Variants in NRM observed in about 807,000 individuals in gnomAD.
NRM encodes the protein nurim.
A neutral mutation model predicts 23.4 loss-of-function variants in NRM; 19 were observed. That is an observed-to-expected ratio of 0.81 (90% confidence interval 0.57 to 1.19). The LOEUF is 1.19. Among genes scored for constraint, NRM ranks in the 50% most tolerant of loss-of-function variants. NRM has a pLI of 0.00. For missense variants in NRM, 232 were observed against 329.7 expected (o/e 0.70, Z 2.30); for synonymous variants, 140 against 143.5 (o/e 0.98, Z 0.17).
In NRM at chr6:30,688,641, T is replaced by G; in HGVS notation, c.*20A>C. ...TTCAGTGGGAGAGGAAGAACAGGGCTTGTAACCAGAGTGAGCTCCTCACTC... is the reference window on the plus strand; with the variant it reads ...TTCAGTGGGAGAGGAAGAACAGGGCGTGTAACCAGAGTGAGCTCCTCACTC... On this transcript the variant is annotated 3_prime_UTR_variant, in exon 4 of 4. Coordinates refer to ENST00000376421, the MANE Select transcript of NRM (RefSeq NM_001384369.1). The surrounding 1 kb of genome is among the most constrained non-coding windows in gnomAD (Gnocchi z 5.9). The G allele has an allele frequency of 6.2e-7, 1 of 1,609,474 alleles. No individual in the cohort carries two copies. Among genetic ancestry groups the G allele is most frequent in the East Asian group, 2.2e-5 (1 of 44,812 alleles).
At position 30,688,219 on chromosome 6, in the gene NRM, G is replaced by T; in HGVS notation, c.*442C>A. 1 of 186,074 alleles carries T rather than the reference G, an allele frequency of 5.4e-6. No individual in the cohort carries two copies. The highest frequency in any genetic ancestry group is 5.4e-5 in the Admixed American group (1 of 18,452). The allele number at this position is 186,074 out of a possible 1,614,324, so 11.5% of individuals were successfully genotyped here. A position where few individuals can be genotyped will look rare whatever the true frequency, so the allele number is the denominator to read the frequency against. The stretch of plus-strand genomic sequence containing the variant: ...ACTAGGGCCGGGAGTGGTGAGGCAA[G>T]GTTGGGGCCTGGAGGGACAGCTATG... On this transcript the variant is annotated 3_prime_UTR_variant, in exon 4 of 4. Coordinates refer to ENST00000376421, the MANE Select transcript of NRM (RefSeq NM_001384369.1). The surrounding 1 kb of genome is among the most constrained non-coding windows in gnomAD (Gnocchi z 5.9).
Position 30,689,146 on chromosome 6 carries a change from G to T in NRM, c.507+130C>A. On this transcript the variant is annotated intron_variant, in intron 3 of 3. Coordinates refer to ENST00000376421, the MANE Select transcript of NRM (RefSeq NM_001384369.1). This position sits in a 1 kb window ranked among gnomAD's most constrained non-coding sequence, Gnocchi z 4.7. Reference sequence around the variant, plus strand: ...ATGCTTGCTGCCCTTACGAGGGAAAGTCAAAGGGAAGGGCCACGAGGGAGA... The same window carrying T: ...ATGCTTGCTGCCCTTACGAGGGAAATTCAAAGGGAAGGGCCACGAGGGAGA... The T allele has an allele frequency of 8.8e-7, 1 of 1,135,272 alleles. No individual in the cohort carries two copies. Among genetic ancestry groups the T allele is most frequent in the Non-Finnish European group, 1.2e-6 (1 of 815,824 alleles). 70.3% of individuals were successfully genotyped at this position (1,135,272 alleles called of 1,614,324 possible).
In NRM at chr6:30,690,343, C is replaced by T. The variant is rs1050709504; in HGVS notation, c.134-100G>A. The stretch of plus-strand genomic sequence containing the variant: ...TTGGATCCCCAGGCCATGTCCCTTA[C>T]TGCTTTCAAGAGCCTTAATGCTTCC... On this transcript the variant is annotated intron_variant, in intron 1 of 3. Transcript: ENST00000376421. The surrounding 1 kb of genome is among the most constrained non-coding windows in gnomAD (Gnocchi z 5.5). 2 of 1,175,352 alleles carry T rather than the reference C, an allele frequency of 1.7e-6. No homozygotes were observed. Among genetic ancestry groups the T allele is most frequent in the Non-Finnish European group, 2.4e-6 (2 of 846,782 alleles). 72.8% of individuals were successfully genotyped at this position (1,175,352 alleles called of 1,614,324 possible).
At position 30,690,353 on chromosome 6, in the gene NRM, G is replaced by A. The variant is rs1007075984; in HGVS notation, c.134-110C>T. On this transcript the variant is annotated intron_variant, in intron 1 of 3. Coordinates refer to ENST00000376421, the MANE Select transcript of NRM (RefSeq NM_001384369.1). This position sits in a 1 kb window ranked among gnomAD's most constrained non-coding sequence, Gnocchi z 5.5. The stretch of plus-strand genomic sequence containing the variant: ...AGGCCATGTCCCTTACTGCTTTCAA[G>A]AGCCTTAATGCTTCCTCTCTAGGCT... 5 of 1,102,748 alleles carry A rather than the reference G, an allele frequency of 4.5e-6. No individual in the cohort carries two copies. The highest frequency in any genetic ancestry group is 6.4e-6 in the Non-Finnish European group (5 of 784,130). 68.3% of individuals were successfully genotyped at this position (1,102,748 alleles called of 1,614,324 possible).
In NRM at chr6:30,690,061, C is replaced by T. The variant is rs765204179; in HGVS notation, c.316G>A (p.Ala106Thr). 6.2e-7 allele frequency: 1 copy of T among 1,609,548 alleles called. No individual in the cohort carries two copies. Among genetic ancestry groups the T allele is most frequent in the East Asian group, 2.2e-5 (1 of 44,608 alleles). Residue 106 changes from alanine to threonine, a missense_variant, in exon 2 of 4, where the codon GCC (alanine) becomes ACC (threonine). Transcript: ENST00000376421. This position sits in a 1 kb window ranked among gnomAD's most constrained non-coding sequence, Gnocchi z 5.5. ...LQRSLYVACT[A>T]LALQLVMRYW... ...GGGCCTCATACCTGCAAGGCCAGGG[C>T]AGTGCAGGCCACATACAGTGACCTC...
chr6:30,688,838 C>T lies in NRM; in HGVS notation c.612G>A (p.Leu204=). The change falls in exon 4 of 4, where the codon CTG becomes CTA. Residue 204 remains leucine (L), a synonymous_variant. Transcript: ENST00000376421. This position sits in a 1 kb window ranked among gnomAD's most constrained non-coding sequence, Gnocchi z 5.9. ...GGGTAGGCACCACCCACAGCACTGT[C>T]AGCAGCTCCACACACACTGGGTGGC... ...HLRHPVCVEL[L]TVLWVVPTLG... 6.2e-7 allele frequency: 1 copy of T among 1,613,930 alleles called. No individual in the cohort carries two copies. Among genetic ancestry groups the T allele is most frequent in the South Asian group, 1.1e-5 (1 of 91,080 alleles).
At position 30,688,849 on chromosome 6, in the gene NRM, C is replaced by T. The variant is rs759817925; in HGVS notation, c.601G>A (p.Val201Met). The T allele has an allele frequency of 6.2e-7, 1 of 1,613,828 alleles. No individual in the cohort carries two copies. The highest frequency in any genetic ancestry group is 1.7e-5 in the Admixed American group (1 of 59,974). The stretch of plus-strand genomic sequence containing the variant: ...ACCCACAGCACTGTCAGCAGCTCCA[C>T]ACACACTGGGTGGCGCAGGTGGGAG... Reference protein sequence around the residue: ...LFSHLRHPVCVELLTVLWVVP... With the variant: ...LFSHLRHPVCMELLTVLWVVP... Residue 201 changes from valine to methionine, a missense_variant, in exon 4 of 4, where the codon GTG becomes ATG. Coordinates refer to ENST00000376421, the MANE Select transcript of NRM (RefSeq NM_001384369.1). The surrounding 1 kb of genome is among the most constrained non-coding windows in gnomAD (Gnocchi z 5.9).
In NRM at chr6:30,690,001, G is replaced by A. The variant is rs749365400; in HGVS notation, c.330+46C>T. 8.9e-6 allele frequency: 14 copies of A among 1,578,996 alleles called. No homozygotes were observed. The South Asian group carries it at 1.3e-4, about 14-fold the overall frequency. On this transcript the variant is annotated intron_variant, in intron 2 of 3. Coordinates refer to ENST00000376421, the MANE Select transcript of NRM (RefSeq NM_001384369.1). This position sits in a 1 kb window ranked among gnomAD's most constrained non-coding sequence, Gnocchi z 5.5. ...CCTCCCACACTTGGTCTCCCTTGGG[G>A]ACTCAACTGCCAGGATTTCATACCT...
In NRM at chr6:30,689,595, A is replaced by C; in HGVS notation, c.331-143T>G. ...TAAGCATCACCACCAAATATTCACC[A>C]TGTGGAGGGTGCGTGCTGGGTGAGG... is the stretch of plus-strand genomic sequence containing the variant. On this transcript the variant is annotated intron_variant, in intron 2 of 3. Transcript: ENST00000376421. The surrounding 1 kb of genome is among the most constrained non-coding windows in gnomAD (Gnocchi z 4.7). 3.7e-6 allele frequency: 3 copies of C among 821,502 alleles called. No individual in the cohort carries two copies. The highest frequency in any genetic ancestry group is 5.6e-6 in the Non-Finnish European group (3 of 534,262). 50.9% of individuals were successfully genotyped at this position (821,502 alleles called of 1,614,324 possible). A position where few individuals can be genotyped will look rare whatever the true frequency, so the allele number is the denominator to read the frequency against.
chr6:30,690,730 G>C lies in NRM; in HGVS notation c.133+112C>G, dbSNP rs780824492. On this transcript the variant is annotated intron_variant, in intron 1 of 3. Transcript: ENST00000376421. This position sits in a 1 kb window ranked among gnomAD's most constrained non-coding sequence, Gnocchi z 5.5. ...AGCTTCTCGGCCGCTTTCAAGGTTC[G>C]AGTTCCCTCTCTTGGACTTCCCCTG... 2.5e-5 allele frequency: 40 copies of C among 1,611,030 alleles called. No individual in the cohort carries two copies. The highest frequency in any genetic ancestry group is 3.3e-5 in the Non-Finnish European group (39 of 1,179,264).
In NRM at chr6:30,689,799, T is replaced by C. The variant is rs1048075446; in HGVS notation, c.330+248A>G. Reference sequence around the variant, plus strand: ...AAAGGGTAGGACTGAAGAGAAGGGATCTCAAGCAGGACATAAACAAAGTTG... The same window carrying C: ...AAAGGGTAGGACTGAAGAGAAGGGACCTCAAGCAGGACATAAACAAAGTTG... On this transcript the variant is annotated intron_variant, in intron 2 of 3. Transcript: ENST00000376421. The surrounding 1 kb of genome is among the most constrained non-coding windows in gnomAD (Gnocchi z 4.7). Among the ~76,000 whole-genome samples the C allele has an allele frequency of 2.0e-5, 3 of 152,104 alleles. No homozygotes were observed. The highest frequency in any genetic ancestry group is 2.9e-5 in the Non-Finnish European group (2 of 68,014).
chr6:30,690,250 G>C lies in NRM; in HGVS notation c.134-7C>G. The C allele has an allele frequency of 6.4e-7, 1 of 1,564,454 alleles. No homozygotes were observed. The highest frequency in any genetic ancestry group is 1.2e-5 in the South Asian group (1 of 84,450). Reference sequence around the variant, plus strand: ...AGCCATCCCTGGCGGGCATCTACAGGAAGTTGAGGGAAAAAGAGACAAAAG... The same window carrying C: ...AGCCATCCCTGGCGGGCATCTACAGCAAGTTGAGGGAAAAAGAGACAAAAG... On this transcript the variant is annotated splice_polypyrimidine_tract_variant and splice_region_variant and intron_variant, in intron 1 of 3. Transcript: ENST00000376421. This position sits in a 1 kb window ranked among gnomAD's most constrained non-coding sequence, Gnocchi z 5.5.
Position 30,690,829 on chromosome 6 carries a change from C to G in NRM, c.133+13G>C. ...TTCCTCCTCCCAGTTCATCCTCGAT[C>G]CCTCCCGCTCACCCGGACCACCAGA... is the stretch of plus-strand genomic sequence containing the variant. On this transcript the variant is annotated intron_variant, in intron 1 of 3. Coordinates refer to ENST00000376421, the MANE Select transcript of NRM (RefSeq NM_001384369.1). The surrounding 1 kb of genome is among the most constrained non-coding windows in gnomAD (Gnocchi z 5.5). 2.5e-6 allele frequency: 4 copies of G among 1,613,056 alleles called. No individual in the cohort carries two copies. Among genetic ancestry groups the G allele is most frequent in the Non-Finnish European group, 2.5e-6 (3 of 1,179,998 alleles).
Position 30,690,279 on chromosome 6 carries a change from G to A in NRM, c.134-36C>T, listed in dbSNP as rs374700595. 9.1e-6 allele frequency: 14 copies of A among 1,531,200 alleles called. No individual in the cohort carries two copies. The highest frequency in any genetic ancestry group is 2.8e-5 in the African/African-American group (2 of 71,514). 94.9% of individuals were successfully genotyped at this position (1,531,200 alleles called of 1,614,324 possible). ...TTGAGGGAAAAAGAGACAAAAGATC[G>A]AAACAGTGGCAGAATGTTTCCCCCA... On this transcript the variant is annotated intron_variant, in intron 1 of 3. Coordinates refer to ENST00000376421, the MANE Select transcript of NRM (RefSeq NM_001384369.1). The surrounding 1 kb of genome is among the most constrained non-coding windows in gnomAD (Gnocchi z 5.5).
chr6:30,690,452 T>G lies in NRM; in HGVS notation c.134-209A>C. On this transcript the variant is annotated intron_variant, in intron 1 of 3. Coordinates refer to ENST00000376421, the MANE Select transcript of NRM (RefSeq NM_001384369.1). This position sits in a 1 kb window ranked among gnomAD's most constrained non-coding sequence, Gnocchi z 5.5. Reference sequence around the variant, plus strand: ...CTCCTGCAAACCTGGGGAAGAGGATTTATAGAACACCACATGTTAGGCAGT... The same window carrying G: ...CTCCTGCAAACCTGGGGAAGAGGATGTATAGAACACCACATGTTAGGCAGT... 1 of 1,261,134 alleles carries G rather than the reference T, an allele frequency of 7.9e-7. No individual in the cohort carries two copies. The highest frequency in any genetic ancestry group is 1.5e-5 in the African/African-American group (1 of 66,462). 78.1% of individuals were successfully genotyped at this position (1,261,134 alleles called of 1,614,324 possible).
chr6:30,689,008 T>G lies in NRM; in HGVS notation c.508-66A>C. 1 of 1,505,742 alleles carries G rather than the reference T, an allele frequency of 6.6e-7. No homozygotes were observed. The highest frequency in any genetic ancestry group is 8.9e-7 in the Non-Finnish European group (1 of 1,120,428). The allele number at this position is 1,505,742 out of a possible 1,614,324, so 93.3% of individuals were successfully genotyped here. On this transcript the variant is annotated intron_variant, in intron 3 of 3. Transcript: ENST00000376421. The surrounding 1 kb of genome is among the most constrained non-coding windows in gnomAD (Gnocchi z 4.7). ...TTTCTCATCTTGGGCACTTCTTTCCTCCTCTTCCAGGCACCACCCTTCTAG... is the reference window on the plus strand; with the variant it reads ...TTTCTCATCTTGGGCACTTCTTTCCGCCTCTTCCAGGCACCACCCTTCTAG...
Position 30,688,211 on chromosome 6 carries a change from T to C in NRM, c.*450A>G, listed in dbSNP as rs1172107514. On this transcript the variant is annotated 3_prime_UTR_variant, in exon 4 of 4. Coordinates refer to ENST00000376421, the MANE Select transcript of NRM (RefSeq NM_001384369.1). This position sits in a 1 kb window ranked among gnomAD's most constrained non-coding sequence, Gnocchi z 5.9. The stretch of plus-strand genomic sequence containing the variant: ...GTGCAGAGACTAGGGCCGGGAGTGG[T>C]GAGGCAAGGTTGGGGCCTGGAGGGA... 5.5e-6 allele frequency: 1 copy of C among 180,480 alleles called. No homozygotes were observed. Among genetic ancestry groups the C allele is most frequent in the Non-Finnish European group, 1.2e-5 (1 of 84,432 alleles). The allele number at this position is 180,480 out of a possible 1,614,324, so 11.2% of individuals were successfully genotyped here.
At position 30,690,839 on chromosome 6, in the gene NRM, C is replaced by T. The variant is rs754791272; in HGVS notation, c.133+3G>A. 1 of 1,613,104 alleles carries T rather than the reference C, an allele frequency of 6.2e-7. No individual in the cohort carries two copies. The highest frequency in any genetic ancestry group is 1.1e-5 in the South Asian group (1 of 91,078). On this transcript the variant is annotated splice_donor_region_variant and intron_variant, in intron 1 of 3. Transcript: ENST00000376421. The surrounding 1 kb of genome is among the most constrained non-coding windows in gnomAD (Gnocchi z 5.5). ...CAGTTCATCCTCGATCCCTCCCGCTCACCCGGACCACCAGACTCCGGGATC... is the reference window on the plus strand; with the variant it reads ...CAGTTCATCCTCGATCCCTCCCGCTTACCCGGACCACCAGACTCCGGGATC...
chr6:30,690,573 C>A lies in NRM; in HGVS notation c.133+269G>T. The stretch of plus-strand genomic sequence containing the variant: ...TTTTAACACTCTCCTCTCAACAGTC[C>A]TCTCTACAAAACACTTTACTTAGAA... On this transcript the variant is annotated intron_variant, in intron 1 of 3. Coordinates refer to ENST00000376421, the MANE Select transcript of NRM (RefSeq NM_001384369.1). This position sits in a 1 kb window ranked among gnomAD's most constrained non-coding sequence, Gnocchi z 5.5. 1 of 1,543,356 alleles carries A rather than the reference C, an allele frequency of 6.5e-7. No homozygotes were observed. The highest frequency in any genetic ancestry group is 1.4e-5 in the African/African-American group (1 of 73,030).
Sources: allele counts gnomAD v4.1 joint callset (sites outside exome capture counted in the v4.1 genomes callset), GRCh38; gene constraint gnomAD v4.1.1; non-coding constraint Gnocchi (gnomAD v3.1); transcripts MANE v1.5; gene names NCBI Gene and HGNC (gene_info 2026-07-23, HGNC 2026-07-21).